The following NOP58 variants were observed in gnomAD, a reference collection of about 807,000 sequenced individuals.
The protein encoded by NOP58 is nucleolar protein 58.
NOP58 carries 44 observed loss-of-function variants against 71.2 expected under a neutral mutation model. That is an observed-to-expected ratio of 0.62 (90% CI 0.49 to 0.79). NOP58 has a LOEUF of 0.79. Among genes scored for constraint, NOP58 ranks in the 30% least tolerant of loss-of-function variants. The probability of loss-of-function intolerance (pLI) is 0.00; values close to 1 mark genes in which losing one functional copy is unlikely to be tolerated. For synonymous variants in NOP58, 228 were observed against 200.3 expected, an observed-to-expected ratio of 1.14 and a Z score of -1.17; for missense variants, 538 against 620.2, an observed-to-expected ratio of 0.87 and a Z score of 1.41.
At chr2:202,287,632 G>T in intron 5 of NOP58, 28 bp from the exon 6 acceptor site, 2 of 1,565,982 alleles carry the variant, frequency 1.3e-6, no homozygotes, top group Non-Finnish European at 1.8e-6. Context: ...ATGCTATCTT[G>T]CTAATTTATT....
At chr2:202,284,680 C>T (rs971854624) in intron 5 of NOP58, 199 bp downstream of exon 5, 11 of 517,192 alleles carry the variant, frequency 2.1e-5, no homozygotes, top group African/African-American at 3.9e-5. Flanking sequence ...AGGATTTGAA[C>T]CCAGGCAGTC....
At chr2:202,274,263 T>C (rs961821251) in intron 1 of NOP58, among the ~76,000 whole-genome samples, 3 of 152,070 alleles carry the variant, frequency 2.0e-5, no homozygotes, top group Non-Finnish European at 2.9e-5. Context: ...TTTTTGCTCT[T>C]GTTGCCCAGG....
At chr2:202,296,168 C>T (rs1183956395) in intron 10 of NOP58, among the ~76,000 whole-genome samples, 1 of 151,878 alleles carries the variant, frequency 6.6e-6, no homozygotes, top group Non-Finnish European at 1.5e-5. Context: ...ATAGCATATG[C>T]ATTATGCTAA....
In NOP58 at chr2:202,282,667, A is replaced by C. The variant is rs917263703; in HGVS notation, c.297+195A>C. Among the ~76,000 whole-genome samples the C allele has an allele frequency of 2.0e-5, 3 of 152,332 alleles. No homozygotes were observed. In the East Asian group the frequency reaches 5.8e-4, roughly 29 times the overall value. On this transcript the variant is annotated intron_variant, in intron 4 of 14. Transcript: ENST00000264279. ...ATAAGTAATACCTATTTGTTCTAGA[A>C]GATATAGAAGAACAAAAAATGATAA...
At chr2:202,303,302 T>C in intron 14 of NOP58, 84 bp from the exon 15 acceptor site, 1 of 1,566,060 alleles carries the variant, frequency 6.4e-7, no homozygotes, top group Non-Finnish European at 8.6e-7. Flanking sequence ...ACTTTTTTTA[T>C]AGGTGGGGTT....
chr2:202,281,231 A>T (rs1688697612), intron 3 of NOP58, among the ~76,000 whole-genome samples: 1 of 150,184 alleles, frequency 6.7e-6, no homozygotes, highest in Non-Finnish European at 1.5e-5. Flanking sequence ...GGTTCAAGCG[A>T]TTCTCCTACC....
chr2:202,299,261 T>G (rs1689049953), intron 12 of NOP58, among the ~76,000 whole-genome samples: 1 of 152,170 alleles, frequency 6.6e-6, no homozygotes, highest in Non-Finnish European at 1.5e-5. Flanking sequence ...CCCGGCCTCC[T>G]TCAAGAATTT....
intron 8 of NOP58, among the ~76,000 whole-genome samples, chr2:202,291,757 A>C (rs1688902019): frequency 7.2e-6 from 1 of 138,802 alleles, no homozygotes; most frequent in Non-Finnish European, 1.5e-5. Context: ...CAGTGAGCCG[A>C]GATGGCACCA....
rs1427901630 is a variant in NOP58 at position 202,268,459 on chromosome 2, C to T, written c.45+2473C>T. Among the ~76,000 whole-genome samples the T allele has an allele frequency of 7.9e-5, 12 of 151,174 alleles. No individual in the cohort carries two copies. The South Asian group carries it at 8.3e-4, about 11-fold the overall frequency. On this transcript the variant is annotated intron_variant, in intron 1 of 14. Transcript: ENST00000264279. The stretch of plus-strand genomic sequence containing the variant: ...CTGAGGCGGGAGCATTGCTTGAACC[C>T]GGGAGGCGGAGGTTGTGGTGAGCTG...
rs79305714 is a variant in NOP58 at position 202,295,846 on chromosome 2, T to C, written c.1071+9T>C. On this transcript the variant is annotated intron_variant, in intron 10 of 14. Coordinates refer to ENST00000264279, the MANE Select transcript of NOP58 (RefSeq NM_015934.5). ...CCAAACACAAAGGAAAGGTGTGTTATAGGGTTTTGCTTTGTTTTTGAGGTT... is the reference window on the plus strand; with the variant it reads ...CCAAACACAAAGGAAAGGTGTGTTACAGGGTTTTGCTTTGTTTTTGAGGTT... The C allele has an allele frequency of 2.5e-4, 383 of 1,542,464 alleles. No homozygotes were observed. In the African/African-American group the frequency reaches 4.7e-3, roughly 19 times the overall value.
chr2:202,275,428 C>G, intron 2 of NOP58: 1 of 394,192 alleles, frequency 2.5e-6, no homozygotes, highest in Non-Finnish European at 4.7e-6. Flanking sequence ...TCCAGAAGAC[C>G]CTGTGGATAC....
intron 10 of NOP58, among the ~76,000 whole-genome samples, 167 bp downstream of exon 10, chr2:202,296,004 T>C (rs1688980807): frequency 6.6e-6 from 1 of 152,152 alleles, no homozygotes; most frequent in African/African-American, 2.4e-5. Context: ...CACTGAAGGA[T>C]AAGGTTAGAA....
intron 9 of NOP58, among the ~76,000 whole-genome samples, chr2:202,294,700 T>TA (rs1186740395): frequency 1.2e-4 from 18 of 151,950 alleles, no homozygotes; most frequent in Non-Finnish European, 1.9e-4. Context: ...TGTGGTGGCT[T>TA]ACGCCTGTAA....
Position 202,295,673 on chromosome 2 carries a change from G to A in NOP58, c.908-1G>A. On this transcript the variant is annotated splice_acceptor_variant, in intron 9 of 14. Coordinates refer to ENST00000264279, the MANE Select transcript of NOP58 (RefSeq NM_015934.5). LOFTEE classifies it high-confidence loss of function. ...TTCTTTGTAACTTTTTTCTTTTGTA[G>A]GTTCTCTTTTAAATTTGGCCAAGCA... 6.4e-7 allele frequency: 1 copy of A among 1,561,908 alleles called. No individual in the cohort carries two copies. Among genetic ancestry groups the A allele is most frequent in the East Asian group, 2.3e-5 (1 of 43,996 alleles).
At chr2:202,271,044 T>C (rs1181234717) in intron 1 of NOP58, among the ~76,000 whole-genome samples, 1 of 151,040 alleles carries the variant, frequency 6.6e-6, no homozygotes, top group African/African-American at 2.4e-5. Context: ...ACCGCGCCTC[T>C]GCACTCCCCA....
At chr2:202,280,635 A>AT (rs5837813) in intron 3 of NOP58, among the ~76,000 whole-genome samples, 30 of 146,832 alleles carry the variant, frequency 2.0e-4, no homozygotes, top group Middle Eastern at 3.6e-3. Flanking sequence ...CCTGGCCATC[A>AT]TTTTTTTTTT....
chr2:202,295,362 T>G (rs1233196540), intron 9 of NOP58, among the ~76,000 whole-genome samples: 1 of 152,212 alleles, frequency 6.6e-6, no homozygotes, highest in African/African-American at 2.4e-5. Context: ...GTGTGTGACA[T>G]TTATGTCACT....
chr2:202,279,867 T>TC (rs1020104401), intron 3 of NOP58, among the ~76,000 whole-genome samples: 1 of 151,898 alleles, frequency 6.6e-6, no homozygotes, highest in Non-Finnish European at 1.5e-5. Context: ...TAAAGTCAAT[T>TC]CCCCCCAGTC....
intron 5 of NOP58, among the ~76,000 whole-genome samples, chr2:202,286,853 A>G (rs1186984954): frequency 6.6e-6 from 1 of 152,134 alleles, no homozygotes; most frequent in East Asian, 1.9e-4. Context: ...AGTTAGGGAT[A>G]CTGCTAAAGG....
Sources: allele counts gnomAD v4.1 joint callset (sites outside exome capture counted in the v4.1 genomes callset), GRCh38; gene constraint gnomAD v4.1.1; transcripts MANE v1.5; gene names NCBI Gene and HGNC (gene_info 2026-07-23, HGNC 2026-07-21).